The following GRIK4 variants were observed in gnomAD, a reference collection of about 807,000 sequenced individuals.
The protein encoded by GRIK4 is glutamate receptor ionotropic, kainate 4.
GRIK4 carries 40 observed loss-of-function variants against 104.9 expected under a neutral mutation model. That is an observed-to-expected ratio of 0.38 (90% CI 0.30 to 0.50). The LOEUF is 0.50. Among genes scored for constraint, GRIK4 ranks in the 20% least tolerant of loss-of-function variants. GRIK4 has a pLI of 0.93. For synonymous variants in GRIK4, 485 were observed against 524.9 expected (o/e 0.92, Z 1.04); for missense variants, 1,047 against 1,308.1 (o/e 0.80, Z 3.08).
rs11217996 is a variant in GRIK4 at position 120,746,402 on chromosome 11, G to A, written c.83-56291G>A. Among the ~76,000 whole-genome samples, 781 of 152,164 alleles carry A rather than the reference G, an allele frequency of 5.1e-3. 5 individuals are homozygous for A. The highest frequency in any genetic ancestry group is 0.017 in the African/African-American group (711 of 41,494). ...GCAGCTCTGCTGATTTTTTAGATAC[G>A]GTGTGGGACAGGTAGGTGCCTAGGT... On this transcript the variant is annotated intron_variant, in intron 3 of 20. Transcript: ENST00000527524.
intron 14 of GRIK4, among the ~76,000 whole-genome samples, chr11:120,951,258 C>A (rs556796044): frequency 5.9e-5 from 9 of 152,266 alleles, no homozygotes; most frequent in African/African-American, 1.9e-4. Flanking sequence ...GGAAAATCAC[C>A]CATGATGGGG....
chr11:120,835,846 T>A (rs1953562526), intron 7 of GRIK4, among the ~76,000 whole-genome samples: 1 of 152,154 alleles, frequency 6.6e-6, no homozygotes, highest in Admixed American at 6.5e-5. Context: ...CTAGGGGTAT[T>A]TATGACGGGT....
chr11:120,711,447 A>C (rs1950733928), intron 3 of GRIK4, among the ~76,000 whole-genome samples: 1 of 151,956 alleles, frequency 6.6e-6, no homozygotes, highest in Non-Finnish European at 1.5e-5. Flanking sequence ...TCCTGGCGGG[A>C]CCCATCCCCC....
At chr11:120,784,518 G>GTCCT (rs1952225839) in intron 3 of GRIK4, among the ~76,000 whole-genome samples, 1 of 152,120 alleles carries the variant, frequency 6.6e-6, no homozygotes, top group Non-Finnish European at 1.5e-5. Context: ...AGGCCACAGG[G>GTCCT]TCCTGTGTTG....
intron 3 of GRIK4, among the ~76,000 whole-genome samples, chr11:120,724,686 A>G (rs1052650466): frequency 1.3e-5 from 2 of 152,174 alleles, no homozygotes; most frequent in African/African-American, 4.8e-5. Flanking sequence ...GAAACTAACT[A>G]TATTTTATTT....
At chr11:120,523,901 C>T (rs149306147) in intron 1 of GRIK4, among the ~76,000 whole-genome samples, 4 of 151,562 alleles carry the variant, frequency 2.6e-5, no homozygotes, top group Admixed American at 2.6e-4. Flanking sequence ...GGTTCCATTG[C>T]ACAGGGACTG....
chr11:120,699,751 A>G (rs1950520218), intron 3 of GRIK4, among the ~76,000 whole-genome samples: 2 of 152,230 alleles, frequency 1.3e-5, no homozygotes, highest in African/African-American at 2.4e-5. Flanking sequence ...AGCTGCACAC[A>G]TGTTTGGGGA....
intron 1 of GRIK4, among the ~76,000 whole-genome samples, chr11:120,626,538 T>C (rs1949261783): frequency 6.6e-6 from 1 of 152,038 alleles, no homozygotes; most frequent in Non-Finnish European, 1.5e-5. Flanking sequence ...GGACCCAGGA[T>C]CTTTTGGCCT....
At chr11:120,799,482 G>A (rs1952584588) in intron 3 of GRIK4, among the ~76,000 whole-genome samples, 1 of 152,232 alleles carries the variant, frequency 6.6e-6, no homozygotes, top group South Asian at 2.1e-4. Context: ...CTGCTTCGCA[G>A]CAAATCCTTG....
In GRIK4 at chr11:120,878,697, CTG is replaced by C. The variant is rs909221157; in HGVS notation, c.1164+3457_1164+3458del. On this transcript the variant is annotated intron_variant, in intron 11 of 20. Coordinates refer to ENST00000527524, the MANE Select transcript of GRIK4 (RefSeq NM_014619.5). ...AGGTGCTGTGAGTACCAAGCAAAAA[CTG>C]TGCGTGATGTATCAGGGACACAGAT... Among the ~76,000 whole-genome samples, 6 of 147,072 alleles carry C rather than the reference CTG, an allele frequency of 4.1e-5. No individual in the cohort carries two copies. In the South Asian group the frequency reaches 6.7e-4, roughly 16 times the overall value.
intron 8 of GRIK4, among the ~76,000 whole-genome samples, chr11:120,837,666 A>C (rs1953609010): frequency 6.6e-6 from 1 of 150,888 alleles, no homozygotes; most frequent in Admixed American, 6.7e-5. Context: ...AACATAAAAC[A>C]GATGAACTTG....
intron 3 of GRIK4, among the ~76,000 whole-genome samples, chr11:120,792,331 T>C (rs1952412921): frequency 6.6e-6 from 1 of 151,496 alleles, no homozygotes; most frequent in African/African-American, 2.4e-5. Flanking sequence ...GGAAGCACAA[T>C]ATAAGGTTTG....
intron 1 of GRIK4, among the ~76,000 whole-genome samples, chr11:120,606,199 C>G (rs1948959166): frequency 6.6e-6 from 1 of 152,132 alleles, no homozygotes; most frequent in South Asian, 2.1e-4. Flanking sequence ...AAGTCAAGGA[C>G]AGATTCACGT....
chr11:120,752,938 G>A (rs1344691144), intron 3 of GRIK4, among the ~76,000 whole-genome samples: 1 of 152,226 alleles, frequency 6.6e-6, no homozygotes, highest in Non-Finnish European at 1.5e-5. Flanking sequence ...CACAGCCGTG[G>A]GCCTAGGCCG....
chr11:120,915,096 G>A (rs1943078628), intron 13 of GRIK4, among the ~76,000 whole-genome samples: 1 of 152,110 alleles, frequency 6.6e-6, no homozygotes, highest in Non-Finnish European at 1.5e-5. Context: ...CCCTGGGAAG[G>A]TCCTTTCTAC....
chr11:120,667,741 C>G (rs1178202355), intron 3 of GRIK4, among the ~76,000 whole-genome samples: 2 of 152,212 alleles, frequency 1.3e-5, no homozygotes, highest in Non-Finnish European at 2.9e-5. Context: ...GCCCATTAAA[C>G]CCACACTGAT....
At chr11:120,778,378 G>A (rs1952084273) in intron 3 of GRIK4, among the ~76,000 whole-genome samples, 1 of 152,280 alleles carries the variant, frequency 6.6e-6, no homozygotes, top group African/African-American at 2.4e-5. Flanking sequence ...TTGTTTTGTG[G>A]ATTAAAGACT....
At position 120,962,395 on chromosome 11, in the gene GRIK4, T is replaced by C. The variant is rs534732349; in HGVS notation, c.2041-61T>C. The C allele has an allele frequency of 3.7e-4, 451 of 1,213,788 alleles. 1 individual carries two copies. In the African/African-American group the frequency reaches 4.7e-3, roughly 13 times the overall value. 75.2% of individuals were successfully genotyped at this position (1,213,788 alleles called of 1,614,324 possible). On this transcript the variant is annotated intron_variant, in intron 17 of 20. Coordinates refer to ENST00000527524, the MANE Select transcript of GRIK4 (RefSeq NM_014619.5). ...TTAAGGTGCACTTTGATTCCCTCTCTTTTTAAGCCAACGTTTCCTTCCTCT... is the reference window on the plus strand; with the variant it reads ...TTAAGGTGCACTTTGATTCCCTCTCCTTTTAAGCCAACGTTTCCTTCCTCT...
At chr11:120,929,898 A>G (rs922713690) in intron 13 of GRIK4, among the ~76,000 whole-genome samples, 2 of 152,108 alleles carry the variant, frequency 1.3e-5, no homozygotes, top group Non-Finnish European at 2.9e-5. Context: ...ATCTGGTTCT[A>G]ATGTTCCAGC....
Sources: allele counts gnomAD v4.1 joint callset (sites outside exome capture counted in the v4.1 genomes callset), GRCh38; gene constraint gnomAD v4.1.1; transcripts MANE v1.5; gene names NCBI Gene and HGNC (gene_info 2026-07-23, HGNC 2026-07-21).